Variants in STK32B observed in about 807,000 individuals in gnomAD.
STK32B encodes serine/threonine kinase 32B, also known as serine/threonine-protein kinase 32B.
A neutral mutation model predicts 52.6 loss-of-function variants in STK32B; 43 were observed. That is an observed-to-expected ratio of 0.82 (90% CI 0.64 to 1.05). The LOEUF (loss-of-function observed/expected upper bound fraction) is 1.05. Among genes scored for constraint, STK32B ranks in the 50% least tolerant of loss-of-function variants. The probability of loss-of-function intolerance (pLI) is 0.00; values close to 1 mark genes in which losing one functional copy is unlikely to be tolerated. For missense variants in STK32B, 621 were observed against 534.6 expected, an observed-to-expected ratio of 1.16 and a Z score of -1.59; for synonymous variants, 238 against 204.3, an observed-to-expected ratio of 1.17 and a Z score of -1.41.
At chr4:5,325,399 G>T (rs1731805759) in intron 3 of STK32B, among the ~76,000 whole-genome samples, 1 of 152,036 alleles carries the variant, frequency 6.6e-6, no homozygotes, top group African/African-American at 2.4e-5. Context: ...GTGTGCTGGG[G>T]AGATTTGAGA....
At chr4:5,348,761 A>C (rs1733636466) in intron 4 of STK32B, among the ~76,000 whole-genome samples, 1 of 152,154 alleles carries the variant, frequency 6.6e-6, no homozygotes. Context: ...CAGTGTCTGC[A>C]TGCACCATCA....
intron 7 of STK32B, 123 bp downstream of exon 7, chr4:5,446,899 C>G (rs545016756): frequency 2.3e-6 from 2 of 883,694 alleles, no homozygotes; most frequent in South Asian, 3.1e-5. Context: ...GTCACTGCCC[C>G]CCAGGTTTCA....
chr4:5,324,839 T>A (rs1246048704), intron 3 of STK32B, among the ~76,000 whole-genome samples: 1 of 152,202 alleles, frequency 6.6e-6, no homozygotes, highest in Admixed American at 6.5e-5. Flanking sequence ...CAGGGACTTG[T>A]CCTAACATGA....
At chr4:5,095,718 G>C (rs946912831) in intron 1 of STK32B, among the ~76,000 whole-genome samples, 1 of 152,168 alleles carries the variant, frequency 6.6e-6, no homozygotes, top group Non-Finnish European at 1.5e-5. Context: ...AAATGTTGGA[G>C]AGTAAAAGAG....
intron 6 of STK32B, chr4:5,437,848 G>C: frequency 1.1e-6 from 1 of 926,652 alleles, no homozygotes; most frequent in Non-Finnish European, 1.3e-6. Context: ...TCACGTCTAA[G>C]TGCTGGGATT....
At chr4:5,068,779 A>G (rs2108765089) in intron 1 of STK32B, among the ~76,000 whole-genome samples, 1 of 152,338 alleles carries the variant, frequency 6.6e-6, no homozygotes, top group East Asian at 1.9e-4. Context: ...TTGGAGCCAG[A>G]TTGTGACTAC....
intron 6 of STK32B, among the ~76,000 whole-genome samples, chr4:5,443,955 A>G (rs74696284): frequency 6.6e-6 from 1 of 152,228 alleles, no homozygotes; most frequent in Non-Finnish European, 1.5e-5. Context: ...GCAGTCTGCC[A>G]GTTCTCAGAT....
intron 9 of STK32B, among the ~76,000 whole-genome samples, chr4:5,466,256 C>T (rs10000998): frequency 0.47 from 70,687 of 151,888 alleles, 16,637 homozygotes; most frequent in African/African-American, 0.51. Context: ...GGGCGGGAGG[C>T]GGGGGTACGG....
intron 11 of STK32B, among the ~76,000 whole-genome samples, chr4:5,493,766 C>G (rs1339234708): frequency 2.0e-5 from 3 of 152,140 alleles, no homozygotes; most frequent in Non-Finnish European, 4.4e-5. Context: ...CCCAGAGATT[C>G]TGGTATGTTG....
intron 2 of STK32B, among the ~76,000 whole-genome samples, chr4:5,143,905 C>G (rs1238480888): frequency 6.6e-6 from 1 of 152,218 alleles, no homozygotes; most frequent in Non-Finnish European, 1.5e-5. Flanking sequence ...ACTCCAGCCT[C>G]CACCAGCCAG....
rs1717509407 is a variant in STK32B at position 5,467,198 on chromosome 4, G to A, written c.1041+364G>A. ...TTTGCCTCTGTGGGCCTCTGTATTC[G>A]TTTCCTGGGGCTGCCACAAGCTAGG... On this transcript the variant is annotated intron_variant, in intron 10 of 11. Transcript: ENST00000282908. This position sits in a 1 kb window ranked among gnomAD's most constrained non-coding sequence, Gnocchi z 5.8. 6.6e-6 allele frequency among the ~76,000 whole-genome samples: 1 copy of A among 152,140 alleles called. No homozygotes were observed. Among genetic ancestry groups the A allele is most frequent in the South Asian group, 2.1e-4 (1 of 4,830 alleles).
chr4:5,180,648 G>T (rs1720282477), intron 3 of STK32B, among the ~76,000 whole-genome samples: 1 of 152,054 alleles, frequency 6.6e-6, no homozygotes, highest in African/African-American at 2.4e-5. Flanking sequence ...TGCCTGTTGG[G>T]GTCATAAGGA....
intron 4 of STK32B, among the ~76,000 whole-genome samples, chr4:5,388,126 G>A (rs747915991): frequency 6.6e-6 from 1 of 152,220 alleles, no homozygotes; most frequent in South Asian, 2.1e-4. Flanking sequence ...TCAAAAAGAA[G>A]ATAATGCTGG....
At chr4:5,445,036 C>G (rs1376307000) in intron 6 of STK32B, among the ~76,000 whole-genome samples, 1 of 152,190 alleles carries the variant, frequency 6.6e-6, no homozygotes, top group East Asian at 1.9e-4. Context: ...ATTCAGCAGA[C>G]CTGTAAGGTG....
intron 3 of STK32B, among the ~76,000 whole-genome samples, chr4:5,259,305 G>A (rs542496774): frequency 6.6e-6 from 1 of 152,228 alleles, no homozygotes; most frequent in South Asian, 2.1e-4. Flanking sequence ...AATGTTCTTG[G>A]CACCTAGAGG....
intron 11 of STK32B, among the ~76,000 whole-genome samples, chr4:5,471,205 A>C (rs558343240): frequency 6.6e-6 from 1 of 152,232 alleles, no homozygotes; most frequent in Non-Finnish European, 1.5e-5. Flanking sequence ...GTGTCCCTCA[A>C]AAAGATATGT....
the STK32B span, among the ~76,000 whole-genome samples, chr4:5,026,688 T>C: frequency 6.6e-6 from 1 of 152,208 alleles, no homozygotes; most frequent in Non-Finnish European, 1.5e-5. Flanking sequence ...AGCAACCTGC[T>C]GTTGGCTGTG....
rs375065211 is a variant in STK32B, at chr4:5,446,827, C to T, written c.666+51C>T. On this transcript the variant is annotated intron_variant, in intron 7 of 11. Coordinates refer to ENST00000282908, the MANE Select transcript of STK32B (RefSeq NM_018401.3). ...CACGAGGGGCTGTGCAGTGGGGGCT[C>T]ACGTTGTACCTGGACGGGCAGAGTC... 8.4e-4 allele frequency: 1,319 copies of T among 1,577,920 alleles called. 6 individuals carry two copies. Among genetic ancestry groups the T allele is most frequent in the Middle Eastern group, 5.5e-3 (33 of 5,954 alleles).
intron 2 of STK32B, among the ~76,000 whole-genome samples, chr4:5,159,561 GAATGAATATATATGAA>G: frequency 3.3e-5 from 1 of 29,888 alleles, no homozygotes; most frequent in East Asian, 9.0e-4. Flanking sequence ...GAATATATAT[GAATGAATATATATGAA>G]TATATATATG....
Sources: gnomAD v4.1 joint callset for allele counts (sites outside exome capture counted in the v4.1 genomes callset) on GRCh38, gnomAD v4.1.1 for gene constraint, Gnocchi (gnomAD v3.1) non-coding constraint, MANE v1.5 for transcripts, NCBI Gene and HGNC (gene_info 2026-07-23, HGNC 2026-07-21) for gene names.